Variants in TPCN2 observed in about 807,000 individuals in gnomAD.
TPCN2 encodes two pore channel protein 2.
Under a neutral mutation model 111.4 loss-of-function variants are expected in TPCN2, and 92 were observed. That is an observed-to-expected ratio of 0.83 (90% CI 0.70 to 0.98). The LOEUF is 0.98. TPCN2 is among the 50% of genes least tolerant of loss of function. The pLI, the probability that TPCN2 is intolerant of heterozygous loss-of-function variation, is 0.00. For synonymous variants in TPCN2, 405 were observed against 414.5 expected (o/e 0.98, Z 0.28); for missense variants, 995 against 980.1 (o/e 1.02, Z -0.20).
chr11:69,054,366 C>T lies in TPCN2; in HGVS notation c.174+269C>T, dbSNP rs941814887. 7.1e-5 allele frequency: 41 copies of T among 573,890 alleles called. No individual in the cohort carries two copies. The South Asian group carries it at 8.2e-4, about 12-fold the overall frequency. 35.5% of individuals were successfully genotyped at this position (573,890 alleles called of 1,614,324 possible). ...CTAGGTCCCGGGTGGGTGGGGGCAT[C>T]CTGGAGGATGACACAGCTGCACGGG... On this transcript the variant is annotated intron_variant, in intron 2 of 24. Transcript: ENST00000294309.
At position 69,074,654 on chromosome 11, in the gene TPCN2, G is replaced by C. The variant is rs193258152; in HGVS notation, c.1230+1653G>C. Among the ~76,000 whole-genome samples, 211 of 152,286 alleles carry C rather than the reference G, an allele frequency of 1.4e-3. 1 individual carries two copies. The highest frequency in any genetic ancestry group is 4.7e-3 in the African/African-American group (197 of 41,540). On this transcript the variant is annotated intron_variant, in intron 13 of 24. Transcript: ENST00000294309. ...CATGTTTAACCCAGACGGACACCTT[G>C]GCCAAGAGAGATTTCAGCATTATCT...
intron 18 of TPCN2, among the ~76,000 whole-genome samples, chr11:69,082,352 G>C (rs1856051018): frequency 6.6e-6 from 1 of 152,298 alleles, no homozygotes; most frequent in African/African-American, 2.4e-5. Flanking sequence ...AGGCACACAT[G>C]ATCATACACA....
intron 1 of TPCN2, among the ~76,000 whole-genome samples, chr11:69,050,540 G>T (rs576924617): frequency 6.6e-6 from 1 of 152,288 alleles, no homozygotes; most frequent in East Asian, 1.9e-4. Context: ...ACCACACTTG[G>T]CTAATTTTTG....
At chr11:69,064,480 A>G (rs1855175543) in intron 7 of TPCN2, among the ~76,000 whole-genome samples, 2 of 151,932 alleles carry the variant, frequency 1.3e-5, no homozygotes, top group African/African-American at 4.8e-5. Flanking sequence ...TCCTGCCACT[A>G]GTCTCTCCCA....
chr11:69,061,247 C>T (rs1199993763), intron 5 of TPCN2, among the ~76,000 whole-genome samples: 1 of 152,110 alleles, frequency 6.6e-6, no homozygotes, highest in Non-Finnish European at 1.5e-5. Flanking sequence ...GGGGCTGAGC[C>T]GGCCGGCTGG....
intron 5 of TPCN2, among the ~76,000 whole-genome samples, chr11:69,062,399 T>G (rs1590716103): frequency 6.9e-6 from 1 of 144,378 alleles, no homozygotes; most frequent in Non-Finnish European, 1.5e-5. Context: ...GGTGTGGAGG[T>G]GGGGCTCCTG....
chr11:69,056,476 A>T (rs943901426), intron 4 of TPCN2, among the ~76,000 whole-genome samples: 2 of 152,212 alleles, frequency 1.3e-5, no homozygotes, highest in African/African-American at 4.8e-5. Context: ...GAGAAGTGTC[A>T]AAAGGTGAGA....
intron 13 of TPCN2, among the ~76,000 whole-genome samples, chr11:69,075,531 G>A (rs1214860570): frequency 6.6e-6 from 1 of 152,216 alleles, no homozygotes; most frequent in Non-Finnish European, 1.5e-5. Context: ...TTCAGTCTGC[G>A]GACGCAGAGC....
At chr11:69,054,926 C>T in intron 3 of TPCN2, 129 bp downstream of exon 3, 1 of 955,268 alleles carries the variant, frequency 1.0e-6, no homozygotes, top group Non-Finnish European at 1.6e-6. Flanking sequence ...AGGGCGGTTA[C>T]CATCATCCTC....
intron 13 of TPCN2, among the ~76,000 whole-genome samples, chr11:69,076,610 TCCA>T: frequency 7.8e-6 from 1 of 128,084 alleles, no homozygotes; most frequent in Admixed American, 7.7e-5. Context: ...GCCGTGTCCC[TCCA>T]CCTGCCCTCC....
chr11:69,075,860 A>G (rs1003175336), intron 13 of TPCN2, among the ~76,000 whole-genome samples: 2 of 152,186 alleles, frequency 1.3e-5, no homozygotes, highest in Non-Finnish European at 2.9e-5. Flanking sequence ...ATTATAGACA[A>G]CAGAGGGAAG....
chr11:69,080,418 G>A (rs1460228091), intron 17 of TPCN2, among the ~76,000 whole-genome samples: 1 of 152,250 alleles, frequency 6.6e-6, no homozygotes, highest in Non-Finnish European at 1.5e-5. Flanking sequence ...CCACTGCCCG[G>A]GGTTCTGGCC....
At chr11:69,078,351 G>T in intron 13 of TPCN2, 131 bp from the exon 14 acceptor site, 5 of 1,168,906 alleles carry the variant, frequency 4.3e-6, no homozygotes, top group Non-Finnish European at 5.9e-6. Context: ...TATTTCCTGT[G>T]GCTGGATAGA....
At position 69,067,625 on chromosome 11, in the gene TPCN2, G is replaced by A. The variant is rs1296407340; in HGVS notation, c.829+20G>A. The A allele has an allele frequency of 6.2e-7, 1 of 1,611,456 alleles. No homozygotes were observed. Among genetic ancestry groups the A allele is most frequent in the South Asian group, 1.1e-5 (1 of 91,054 alleles). On this transcript the variant is annotated intron_variant, in intron 8 of 24. Transcript: ENST00000294309. ...CCGATGGTGCGTGCAGGGCCAGGGA[G>A]GGACCGTGGGGGTCGGTGAGCCCAG...
Position 69,089,433 on chromosome 11 carries a change from C to T in TPCN2, c.*1480C>T, listed in dbSNP as rs1856379185. ...AGTGAGTCGCACGTGGCTTTGTGGT[C>T]ATGGCGACTTAATCCGCCTGGACGG... is the stretch of plus-strand genomic sequence containing the variant. On this transcript the variant is annotated 3_prime_UTR_variant, in exon 25 of 25. Transcript: ENST00000294309. 6.6e-6 allele frequency: 1 copy of T among 152,276 alleles called. No homozygotes were observed. The highest frequency in any genetic ancestry group is 1.5e-5 in the Non-Finnish European group (1 of 68,066). 9.4% of individuals were successfully genotyped at this position (152,276 alleles called of 1,614,324 possible).
chr11:69,065,037 G>A (rs10792016), intron 7 of TPCN2, among the ~76,000 whole-genome samples: 61,527 of 129,402 alleles, frequency 0.48, 13,288 homozygotes, highest in Non-Finnish European at 0.57. Flanking sequence ...CTGTGTGTGC[G>A]TGTGGTGTCG....
intron 4 of TPCN2, among the ~76,000 whole-genome samples, chr11:69,056,391 G>A (rs1213808175): frequency 6.6e-6 from 1 of 152,230 alleles, no homozygotes; most frequent in Admixed American, 6.5e-5. Context: ...TGGTTAGCAG[G>A]TCTGGGGGTT....
chr11:69,079,058 G>T, intron 16 of TPCN2, 38 bp downstream of exon 16: 5 of 1,573,686 alleles, frequency 3.2e-6, no homozygotes, highest in Non-Finnish European at 4.3e-6. Flanking sequence ...TCTACTGGGC[G>T]GGTGGGTGAG....
At chr11:69,055,152 T>G in intron 3 of TPCN2, 23 bp from the exon 4 acceptor site, 1 of 1,610,566 alleles carries the variant, frequency 6.2e-7, no homozygotes, top group East Asian at 2.2e-5. Context: ...TCCTGTGTTT[T>G]CATGTTTCTG....
Sources: gnomAD v4.1 joint callset for allele counts (sites outside exome capture counted in the v4.1 genomes callset) on GRCh38, gnomAD v4.1.1 for gene constraint, MANE v1.5 for transcripts, NCBI Gene and HGNC (gene_info 2026-07-23, HGNC 2026-07-21) for gene names.